CACNA1H: variants seen among roughly 807,000 people sequenced by gnomAD.
CACNA1H encodes the protein voltage-dependent T-type calcium channel subunit alpha-1H.
A neutral mutation model predicts 192.5 loss-of-function variants in CACNA1H; 149 were observed. That is an observed-to-expected ratio of 0.77 (90% CI 0.68 to 0.89). The LOEUF (loss-of-function observed/expected upper bound fraction) is 0.89, where lower values mean the gene tolerates loss of function less well. Ranked by LOEUF, CACNA1H falls within the 40% of genes least tolerant of loss-of-function variation. The pLI is 0.00. For synonymous variants in CACNA1H, 2,202 were observed against 1,475.2 expected (o/e 1.49, Z -11.29); for missense variants, 4,257 against 3,423.5 (o/e 1.24, Z -6.08).
rs777171977 is a variant in CACNA1H at position 1,217,980 on chromosome 16, C to T, written c.5385C>T (p.Gly1795=). Residue 1795 remains glycine (G), a synonymous_variant, in exon 32 of 35, where the codon GGC becomes GGT. Transcript: ENST00000348261. ...GGCACGCCACCTTCAGCAACTTCGG[C>T]ATGGCCTTCCTCACGCTGTTCCGCG... The part of the protein sequence containing the change: ...LSRHATFSNF[G]MAFLTLFRVS... 15 of 1,605,064 alleles carry T rather than the reference C, an allele frequency of 9.3e-6. No homozygotes were observed. In the South Asian group the frequency reaches 1.5e-4, roughly 16 times the overall value.
rs1970477371 is a variant in CACNA1H at position 1,221,496 on chromosome 16, C to T, written c.*502C>T. The T allele has an allele frequency of 7.8e-6, 3 of 383,944 alleles. No homozygotes were observed. Among genetic ancestry groups the T allele is most frequent in the South Asian group, 3.9e-5 (1 of 25,794 alleles). The allele number at this position is 383,944 out of a possible 1,614,324, so 23.8% of individuals were successfully genotyped here. ...CTCCCCTTCCAGCCACCACCCTTTC[C>T]GTTCCGCTCGGGCCTTCCCAGAAGC... On this transcript the variant is annotated 3_prime_UTR_variant, in exon 35 of 35. Transcript: ENST00000348261.
intron 2 of CACNA1H, among the ~76,000 whole-genome samples, chr16:1,186,282 C>G (rs909146017): frequency 3.9e-5 from 6 of 151,962 alleles, no homozygotes; most frequent in Non-Finnish European, 8.8e-5. Flanking sequence ...GCGGCTCCCT[C>G]GAGGTGTCCC....
intron 2 of CACNA1H, among the ~76,000 whole-genome samples, chr16:1,163,915 C>A (rs566163550): frequency 6.6e-6 from 1 of 152,198 alleles, no homozygotes; most frequent in African/African-American, 2.4e-5. Flanking sequence ...TCTGGGGACC[C>A]TCCCGCTTGT....
chr16:1,207,486 C>T (rs1412628397), intron 14 of CACNA1H, 56 bp downstream of exon 14: 4 of 1,561,986 alleles, frequency 2.6e-6, no homozygotes, highest in Non-Finnish European at 3.5e-6. Context: ...GAGAGACGGG[C>T]TTCAGGTCGA....
rs371897810 is a variant in CACNA1H at position 1,207,755 on chromosome 16, C to T, written c.3064-15C>T. 485 of 1,583,734 alleles carry T rather than the reference C, an allele frequency of 3.1e-4. 5 individuals carry two copies. In the South Asian group the frequency reaches 5.0e-3, roughly 16 times the overall value. On this transcript the variant is annotated splice_polypyrimidine_tract_variant and intron_variant, in intron 14 of 34. Transcript: ENST00000348261. The stretch of plus-strand genomic sequence containing the variant: ...CGGGGCCCCTCATGCCTGCCTTGTG[C>T]TTTGTTGGGTTTAGGGCGATGCCAA...
chr16:1,216,902 C>G (rs1339369562), intron 30 of CACNA1H, 30 bp from the exon 31 acceptor site: 31 of 1,575,020 alleles, frequency 2.0e-5, no homozygotes, highest in Non-Finnish European at 2.6e-5. Flanking sequence ...GCCCGCCCGT[C>G]TGACCCAGCT....
At chr16:1,210,559 C>A (rs764731314) in intron 19 of CACNA1H, 24 bp from the exon 20 acceptor site, 1 of 1,609,632 alleles carries the variant, frequency 6.2e-7, no homozygotes, top group South Asian at 1.1e-5. Flanking sequence ...GTGGACACAG[C>A]CCCCCACCGT....
At chr16:1,208,781 T>C (rs1435070635) in intron 16 of CACNA1H, among the ~76,000 whole-genome samples, 1 of 152,166 alleles carries the variant, frequency 6.6e-6, no homozygotes, top group Non-Finnish European at 1.5e-5. Context: ...TGTCTGGTCC[T>C]GGGCTGGTTC....
chr16:1,212,710 A>T (rs60416573), intron 26 of CACNA1H, among the ~76,000 whole-genome samples, 182 bp downstream of exon 26: 1 of 152,168 alleles, frequency 6.6e-6, no homozygotes, highest in African/African-American at 2.4e-5. Flanking sequence ...GTGTGCGTGC[A>T]CGCGTGCGGC....
intron 2 of CACNA1H, among the ~76,000 whole-genome samples, chr16:1,154,945 C>G (rs1046080570): frequency 1.3e-5 from 2 of 152,148 alleles, no homozygotes; most frequent in Non-Finnish European, 2.9e-5. Context: ...CCCTTCTGAG[C>G]CGGCAGCTGG....
intron 2 of CACNA1H, chr16:1,159,931 G>A (rs1033699115): frequency 6.6e-6 from 1 of 152,292 alleles, no homozygotes; most frequent in African/African-American, 2.4e-5. Flanking sequence ...TCCCCCAAGG[G>A]CTGAGAGCCG....
rs549316748 is a variant in CACNA1H, at chr16:1,166,762, C to T, written c.299+12726C>T. Among the ~76,000 whole-genome samples the T allele has an allele frequency of 2.0e-5, 3 of 152,278 alleles. No homozygotes were observed. In the East Asian group the frequency reaches 5.8e-4, roughly 29 times the overall value. On this transcript the variant is annotated intron_variant, in intron 2 of 34. Coordinates refer to ENST00000348261, the MANE Select transcript of CACNA1H (RefSeq NM_021098.3). ...CGGTCGTCCATCCTCCCCGCAGAGC[C>T]CTGACCCTTCCACGGTTAGATGCGC... is the stretch of plus-strand genomic sequence containing the variant.
At chr16:1,154,984 G>A (rs1962118852) in intron 2 of CACNA1H, among the ~76,000 whole-genome samples, 1 of 152,192 alleles carries the variant, frequency 6.6e-6, no homozygotes, top group African/African-American at 2.4e-5. Context: ...TCTGCTCCGG[G>A]CCTGGGGACG....
At chr16:1,188,287 T>A (rs1966263853) in intron 2 of CACNA1H, among the ~76,000 whole-genome samples, 1 of 152,140 alleles carries the variant, frequency 6.6e-6, no homozygotes, top group African/African-American at 2.4e-5. Context: ...AGGACCACCC[T>A]TTGGGCCACG....
At chr16:1,165,671 C>T (rs1381769170) in intron 2 of CACNA1H, among the ~76,000 whole-genome samples, 1 of 152,214 alleles carries the variant, frequency 6.6e-6, no homozygotes, top group Non-Finnish European at 1.5e-5. Flanking sequence ...CAGGTGGCTG[C>T]ACGCTGGGGT....
At chr16:1,210,548 A>G (rs766290536) in intron 19 of CACNA1H, 35 bp from the exon 20 acceptor site, 13 of 1,609,842 alleles carry the variant, frequency 8.1e-6, no homozygotes, top group Admixed American at 1.7e-5. Flanking sequence ...GGAGGGGTGG[A>G]GTGGACACAG....
At position 1,204,239 on chromosome 16, in the gene CACNA1H, A is replaced by G. The variant is rs753324714; in HGVS notation, c.2232A>G (p.Arg744=). ...ACGGTGACCGCTGGGACCCCACGCG[A>G]CCACCCCGTGCGACGGACACACCAG... ...VRHGDRWDPT[R]PPRATDTPGP... is the part of the protein sequence containing the mutation. Residue 744 remains arginine (R), a synonymous_variant, in exon 10 of 35, where the codon CGA becomes CGG. Coordinates refer to ENST00000348261, the MANE Select transcript of CACNA1H (RefSeq NM_021098.3). 8 of 1,610,780 alleles carry G rather than the reference A, an allele frequency of 5.0e-6. No homozygotes were observed. The highest frequency in any genetic ancestry group is 5.9e-6 in the Non-Finnish European group (7 of 1,179,128).
intron 2 of CACNA1H, chr16:1,156,890 G>A (rs1052458191): frequency 2.0e-5 from 3 of 152,258 alleles, no homozygotes; most frequent in African/African-American, 4.8e-5. Context: ...TCTCCAGGGT[G>A]ACTCCATCCC....
rs533034676 is a variant in CACNA1H at position 1,202,905 on chromosome 16, T to C, written c.2002+453T>C. Among the ~76,000 whole-genome samples the C allele has an allele frequency of 2.0e-5, 3 of 151,016 alleles. No individual in the cohort carries two copies. In the South Asian group the frequency reaches 6.3e-4, roughly 32 times the overall value. ...GTGTGGGGGAGGCACCGTCGCAGAG[T>C]CACCGAGAGTCAGGAAGAGAGGCTG... On this transcript the variant is annotated intron_variant, in intron 9 of 34. Transcript: ENST00000348261.
Sources: allele counts gnomAD v4.1 joint callset (sites outside exome capture counted in the v4.1 genomes callset), GRCh38; gene constraint gnomAD v4.1.1; transcripts MANE v1.5; gene names NCBI Gene and HGNC (gene_info 2026-07-23, HGNC 2026-07-21).